Variants in CRISPLD1 observed in about 807,000 individuals in gnomAD.
CRISPLD1 encodes cysteine rich secretory protein LCCL domain containing 1, also known as cysteine-rich secretory protein LCCL domain-containing 1.
CRISPLD1 carries 60 observed loss-of-function variants against 77.5 expected under a neutral mutation model. That is an observed-to-expected ratio of 0.77 (90% CI 0.63 to 0.96). CRISPLD1 has a LOEUF of 0.96. Among genes scored for constraint, CRISPLD1 ranks in the 40% least tolerant of loss-of-function variants. The pLI is 0.00. For synonymous variants in CRISPLD1, 195 were observed against 200.1 expected (o/e 0.97, Z 0.22); for missense variants, 623 against 615.8 (o/e 1.01, Z -0.12).
chr8:75,005,840 C>T (rs751343855), intron 2 of CRISPLD1, among the ~76,000 whole-genome samples: 8 of 152,150 alleles, frequency 5.3e-5, no homozygotes, highest in Non-Finnish European at 8.8e-5. Flanking sequence ...AGCCTAGATC[C>T]GGACTTCCAG....
Position 75,017,329 on chromosome 8 carries a change from A to G in CRISPLD1, c.1006A>G (p.Ile336Val). Residue 336 changes from isoleucine (I) to valine (V), a missense_variant, in exon 10 of 15, where the codon ATC becomes GTC. Transcript: ENST00000262207. Reference sequence around the variant, plus strand: ...CCTCCTTTTTTCCAAGCAATCCAGCATCTGTAGAGCTGCAATTCATTATGG... The same window carrying G: ...CCTCCTTTTTTCCAAGCAATCCAGCGTCTGTAGAGCTGCAATTCATTATGG... ...GSVHYEMQSSICRAAIHYGII... is the reference protein window; with the variant it reads ...GSVHYEMQSSVCRAAIHYGII... The G allele has an allele frequency of 6.2e-7, 1 of 1,608,794 alleles. No individual in the cohort carries two copies. The highest frequency in any genetic ancestry group is 8.5e-7 in the Non-Finnish European group (1 of 1,178,630).
intron 3 of CRISPLD1, 41 bp downstream of exon 3, chr8:75,012,592 G>A (rs1321360906): frequency 7.6e-7 from 1 of 1,311,658 alleles, no homozygotes; most frequent in South Asian, 1.2e-5. Context: ...AAAAATAAGT[G>A]TTTAAAATGA....
chr8:75,017,563 T>C lies in CRISPLD1; in HGVS notation c.1127+113T>C, dbSNP rs570882648. On this transcript the variant is annotated intron_variant, in intron 10 of 14. Transcript: ENST00000262207. ...AATTTAAGAAGAAAGAATTTGGTTA[T>C]TTTCAAGGTTCATTTTAGCTTGTAG... 11 of 927,008 alleles carry C rather than the reference T, an allele frequency of 1.2e-5. No homozygotes were observed. The Admixed American group carries it at 2.2e-4, about 19-fold the overall frequency. The allele number at this position is 927,008 out of a possible 1,614,324, so 57.4% of individuals were successfully genotyped here.
At chr8:74,989,423 T>C (rs1812540600) in intron 2 of CRISPLD1, among the ~76,000 whole-genome samples, 1 of 152,190 alleles carries the variant, frequency 6.6e-6, no homozygotes, top group African/African-American at 2.4e-5. Flanking sequence ...GGTTCACATT[T>C]TGCTTCTCCT....
At chr8:75,012,249 C>T (rs1173205978) in intron 2 of CRISPLD1, among the ~76,000 whole-genome samples, 184 bp from the exon 3 acceptor site, 7 of 152,084 alleles carry the variant, frequency 4.6e-5, no homozygotes, top group Middle Eastern at 3.4e-3. Context: ...GAGGTAGAGA[C>T]GGGGAGATTG....
At chr8:75,001,982 A>G (rs946471001) in intron 2 of CRISPLD1, among the ~76,000 whole-genome samples, 10 of 152,166 alleles carry the variant, frequency 6.6e-5, no homozygotes, top group African/African-American at 2.4e-4. Flanking sequence ...TTTTACATAT[A>G]TATGTATGTT....
At chr8:74,999,298 G>A (rs1320160486) in intron 2 of CRISPLD1, among the ~76,000 whole-genome samples, 1 of 152,172 alleles carries the variant, frequency 6.6e-6, no homozygotes, top group African/African-American at 2.4e-5. Context: ...CAAGGACACA[G>A]TCTATTTAGT....
intron 2 of CRISPLD1, among the ~76,000 whole-genome samples, chr8:74,990,542 T>C (rs776259343): frequency 1.3e-5 from 2 of 152,142 alleles, no homozygotes; most frequent in African/African-American, 2.4e-5. Flanking sequence ...TGTGGCTCCA[T>C]GTCCTGTATC....
chr8:75,009,429 T>C (rs779066389), intron 2 of CRISPLD1, among the ~76,000 whole-genome samples: 5 of 152,096 alleles, frequency 3.3e-5, no homozygotes, highest in Admixed American at 6.6e-5. Context: ...TTAGCTCAAA[T>C]TCAAGGGAAG....
intron 3 of CRISPLD1, 39 bp downstream of exon 3, chr8:75,012,590 G>A: frequency 7.5e-7 from 1 of 1,336,078 alleles, no homozygotes; most frequent in South Asian, 1.2e-5. Flanking sequence ...GAAAAAATAA[G>A]TGTTTAAAAT....
chr8:75,011,072 C>A (rs916858819), intron 2 of CRISPLD1, among the ~76,000 whole-genome samples: 2 of 151,768 alleles, frequency 1.3e-5, no homozygotes, highest in Admixed American at 1.3e-4. Flanking sequence ...TTACCACCTA[C>A]TCCAGCCATT....
At chr8:75,020,998 T>C (rs1334260170) in intron 12 of CRISPLD1, among the ~76,000 whole-genome samples, 1 of 152,112 alleles carries the variant, frequency 6.6e-6, no homozygotes, top group Non-Finnish European at 1.5e-5. Flanking sequence ...TATGTCTCCA[T>C]ATATCCAGTC....
chr8:74,992,419 A>T (rs1812585910), intron 2 of CRISPLD1, among the ~76,000 whole-genome samples: 1 of 152,230 alleles, frequency 6.6e-6, no homozygotes, highest in African/African-American at 2.4e-5. Flanking sequence ...AAACAGATTG[A>T]TGAGTACTTA....
intron 2 of CRISPLD1, chr8:75,000,049 A>G (rs1376234503): frequency 4.3e-6 from 3 of 693,634 alleles, no homozygotes; most frequent in Non-Finnish European, 5.3e-6. Flanking sequence ...AACTAGATAC[A>G]AGGATAATGA....
At chr8:75,027,531 T>C (rs909285750) in intron 13 of CRISPLD1, among the ~76,000 whole-genome samples, 26 of 152,224 alleles carry the variant, frequency 1.7e-4, no homozygotes, top group Non-Finnish European at 3.5e-4. Flanking sequence ...GGAACTCATA[T>C]CTTGAGATCA....
rs146800342 is a variant in CRISPLD1, at chr8:75,021,579, C to T, written c.1244+1500C>T. On this transcript the variant is annotated intron_variant, in intron 12 of 14. Coordinates refer to ENST00000262207, the MANE Select transcript of CRISPLD1 (RefSeq NM_031461.6). ...CATTTGACCACCAATGAATTATATG[C>T]TGAATATTTTTGTGATAAAAATACA... 2.4e-3 allele frequency among the ~76,000 whole-genome samples: 368 copies of T among 152,216 alleles called. 5 individuals carry two copies. Among genetic ancestry groups the T allele is most frequent in the African/African-American group, 8.3e-3 (346 of 41,538 alleles).
At chr8:74,992,001 G>T (rs903007822) in intron 2 of CRISPLD1, among the ~76,000 whole-genome samples, 1 of 152,158 alleles carries the variant, frequency 6.6e-6, no homozygotes, top group Admixed American at 6.5e-5. Context: ...AGACTGAATT[G>T]CTAGAAGGGT....
intron 14 of CRISPLD1, among the ~76,000 whole-genome samples, chr8:75,031,870 T>C (rs1474693418): frequency 6.6e-6 from 1 of 151,932 alleles, no homozygotes; most frequent in Non-Finnish European, 1.5e-5. Flanking sequence ...GCTGCTGAAC[T>C]CTGCTGTATT....
intron 12 of CRISPLD1, among the ~76,000 whole-genome samples, chr8:75,022,693 G>A (rs973909564): frequency 1.4e-4 from 21 of 152,010 alleles, no homozygotes; most frequent in African/African-American, 4.6e-4. Context: ...CATGTAGTTG[G>A]TATATTTCTT....
Sources: gnomAD v4.1 joint callset for allele counts (sites outside exome capture counted in the v4.1 genomes callset) on GRCh38, gnomAD v4.1.1 for gene constraint, MANE v1.5 for transcripts, NCBI Gene and HGNC (gene_info 2026-07-23, HGNC 2026-07-21) for gene names.